DAB1: variants seen among roughly 807,000 people sequenced by gnomAD.
The protein encoded by DAB1 is DAB adaptor protein 1, also known as disabled homolog 1.
Under a neutral mutation model 64.6 loss-of-function variants are expected in DAB1, and 15 were observed. That is an observed-to-expected ratio of 0.23 (90% CI 0.16 to 0.36). The LOEUF (loss-of-function observed/expected upper bound fraction) is 0.36. Ranked by LOEUF, DAB1 falls within the 10% of genes least tolerant of loss-of-function variation. DAB1 has a pLI of 1.00. For missense variants in DAB1, 596 were observed against 706.7 expected (o/e 0.84, Z 1.78); for synonymous variants, 235 against 251.9 (o/e 0.93, Z 0.64).
intron 1 of DAB1, among the ~76,000 whole-genome samples, chr1:57,849,513 A>C (rs1400626412): frequency 3.9e-5 from 6 of 152,212 alleles, no homozygotes; most frequent in Non-Finnish European, 8.8e-5. Context: ...AGGATCTGGC[A>C]GTTGAAGGCG....
chr1:57,527,179 T>C (rs914634127), intron 7 of DAB1, among the ~76,000 whole-genome samples: 1 of 152,172 alleles, frequency 6.6e-6, no homozygotes, highest in African/African-American at 2.4e-5. Flanking sequence ...GCCACTATTA[T>C]AATCCTTGAA....
At chr1:57,299,238 C>A (rs1295569911) in intron 1 of DAB1, among the ~76,000 whole-genome samples, 1 of 152,122 alleles carries the variant, frequency 6.6e-6, no homozygotes, top group Non-Finnish European at 1.5e-5. Flanking sequence ...AAGGTAAAAT[C>A]TTGAATTAAA....
intron 4 of DAB1, among the ~76,000 whole-genome samples, chr1:58,275,042 A>G (rs1019785674): frequency 3.9e-5 from 6 of 152,164 alleles, no homozygotes; most frequent in African/African-American, 1.4e-4. Flanking sequence ...CTATACTCAA[A>G]TGATTTTTAA....
intron 2 of DAB1, chr1:58,506,216 C>T (rs200117319): frequency 1.2e-6 from 1 of 860,810 alleles, no homozygotes. Flanking sequence ...AAGCCTAAAA[C>T]CAAAATTAGT....
chr1:58,161,269 A>C (rs1655522046), intron 4 of DAB1, among the ~76,000 whole-genome samples: 1 of 152,210 alleles, frequency 6.6e-6, no homozygotes, highest in South Asian at 2.1e-4. Flanking sequence ...ATTGAGAGTA[A>C]AGCCTTATAA....
intron 6 of DAB1, among the ~76,000 whole-genome samples, chr1:57,664,096 T>G (rs187901396): frequency 1.1e-3 from 162 of 152,240 alleles, no homozygotes; most frequent in African/African-American, 3.7e-3. Context: ...CCTCTTCCAC[T>G]AAATGAGGCT....
At chr1:58,504,769 C>G (rs986054118) in intron 3 of DAB1, among the ~76,000 whole-genome samples, 1 of 152,090 alleles carries the variant, frequency 6.6e-6, no homozygotes, top group African/African-American at 2.4e-5. Context: ...AACTGCATAC[C>G]GTTTTTATTT....
In DAB1 at chr1:57,060,921, C is replaced by T. The variant is rs1482864167; in HGVS notation, c.723+1963G>A. On this transcript the variant is annotated intron_variant, in intron 9 of 14. Transcript: ENST00000371236. ...AATAAATTCACAAAAACCAAGGCAGCAAATGGAGCATGTTTCCTTACGTAT... is the reference window on the plus strand; with the variant it reads ...AATAAATTCACAAAAACCAAGGCAGTAAATGGAGCATGTTTCCTTACGTAT... 3.3e-5 allele frequency among the ~76,000 whole-genome samples: 5 copies of T among 151,786 alleles called. 1 individual carries two copies. In the South Asian group the frequency reaches 1.0e-3, roughly 32 times the overall value.
chr1:57,435,374 T>C (rs911898500), intron 7 of DAB1, among the ~76,000 whole-genome samples: 2 of 152,162 alleles, frequency 1.3e-5, no homozygotes, highest in Non-Finnish European at 2.9e-5. Flanking sequence ...AAATAATACA[T>C]TAATTTAGCT....
At chr1:57,884,838 T>A (rs913946408), upstream of DAB1, among the ~76,000 whole-genome samples, 1 of 152,160 alleles carries the variant, frequency 6.6e-6, no homozygotes, top group African/African-American at 2.4e-5. Context: ...TCTCGCTCTG[T>A]TAGTTCCTAT....
In DAB1 at chr1:57,015,115, G is replaced by T. The variant is rs151002201; in HGVS notation, c.1212C>A (p.Asp404Glu). The stretch of plus-strand genomic sequence containing the variant: ...CTTTGCCCATTTTCTGCCTGGGCTT[G>T]TCGGTCTGTGGACTTGACCTGGTGG... ...SDSTRSSPQT[D>E]KPRQKMGKET... The change falls in exon 12 of 15, where the codon GAC becomes GAA. Residue 404 changes from aspartate (D) to glutamate (E), a missense_variant. By Grantham distance (45) the Asp-to-Glu change is conservative (BLOSUM62 2). Around this residue, in one of 3 missense-constraint regions of DAB1, gnomAD observed 377 missense variants for 400.4 expected, o/e 0.94. Transcript: ENST00000371236. The T allele has an allele frequency of 1.9e-6, 3 of 1,614,208 alleles. No homozygotes were observed. The highest frequency in any genetic ancestry group is 1.3e-5 in the African/African-American group (1 of 75,058).
At chr1:57,072,161 A>C (rs1487956898) in intron 5 of DAB1, 122 bp downstream of exon 5, 4 of 1,098,226 alleles carry the variant, frequency 3.6e-6, no homozygotes, top group Non-Finnish European at 5.3e-6. Context: ...GTGAGCATCA[A>C]CTTCAGTGGA....
At chr1:58,431,997 CAGA>C (rs1644881404) in intron 3 of DAB1, among the ~76,000 whole-genome samples, 1 of 152,218 alleles carries the variant, frequency 6.6e-6, no homozygotes, top group African/African-American at 2.4e-5. Context: ...ATAGATTTCT[CAGA>C]AGCTCTGGAG....
At chr1:57,772,369 A>C (rs1428269719) in intron 6 of DAB1, among the ~76,000 whole-genome samples, 1 of 152,162 alleles carries the variant, frequency 6.6e-6, no homozygotes, top group Non-Finnish European at 1.5e-5. Context: ...TTGAAAAACA[A>C]ATTATCCAGT....
chr1:58,455,445 A>G (rs1026037264), intron 3 of DAB1, among the ~76,000 whole-genome samples: 70 of 152,356 alleles, frequency 4.6e-4, no homozygotes, highest in African/African-American at 1.6e-3. Context: ...GGTCCTCAGC[A>G]GAGACATGCA....
chr1:57,237,562 G>C (rs1327815377), intron 2 of DAB1, among the ~76,000 whole-genome samples: 1 of 152,048 alleles, frequency 6.6e-6, no homozygotes, highest in Non-Finnish European at 1.5e-5. Flanking sequence ...TAATATCCTG[G>C]ACTACAAGAA....
intron 6 of DAB1, among the ~76,000 whole-genome samples, chr1:57,679,303 C>T (rs1281323441): frequency 6.6e-6 from 1 of 152,100 alleles, no homozygotes; most frequent in Non-Finnish European, 1.5e-5. Context: ...GATTCCTCTC[C>T]ACATCTTGAA....
At chr1:57,577,818 T>C (rs946321130) in intron 7 of DAB1, among the ~76,000 whole-genome samples, 1 of 152,222 alleles carries the variant, frequency 6.6e-6, no homozygotes. Context: ...GAAAATGCCA[T>C]TTTGCATCCT....
intron 6 of DAB1, among the ~76,000 whole-genome samples, chr1:57,684,666 G>A (rs570494314): frequency 2.2e-4 from 34 of 152,128 alleles, no homozygotes; most frequent in African/African-American, 7.5e-4. Flanking sequence ...CCACAAAAAC[G>A]CACTTAAACA....
Sources: allele counts gnomAD v4.1 joint callset (sites outside exome capture counted in the v4.1 genomes callset), GRCh38; gene constraint gnomAD v4.1.1; regional missense constraint gnomAD v4.1.1; transcripts MANE v1.5; gene names NCBI Gene and HGNC (gene_info 2026-07-23, HGNC 2026-07-21).